Variants in NBPF20 observed in about 807,000 individuals in gnomAD.
The protein encoded by NBPF20 is NBPF family member NBPF20.
In NBPF20, 90 loss-of-function variants were observed where a neutral mutation model predicts 68.1. That is an observed-to-expected ratio of 1.32 (90% CI 1.11 to 1.58). NBPF20 has a LOEUF of 1.58. NBPF20 is among the 40% of genes most tolerant of loss of function. The pLI, the probability that NBPF20 is intolerant of heterozygous loss-of-function variation, is 0.00. For synonymous variants in NBPF20, 290 were observed against 228.1 expected (o/e 1.27, Z -2.45); for missense variants, 816 against 601.2 (o/e 1.36, Z -3.74).
exon 6 of NBPF20, chr1:145,400,405 A>G (rs1662464685): frequency 7.4e-6 from 12 of 1,612,920 alleles, no homozygotes; most frequent in Admixed American, 3.3e-5. Flanking sequence ...TAATGTGTAC[A>G]GCATCCTCCC....
chr1:145,395,602 A>C (rs1662190586), intron 7 of NBPF20, among the ~76,000 whole-genome samples: 1 of 149,946 alleles, frequency 6.7e-6, no homozygotes, highest in African/African-American at 2.5e-5. Flanking sequence ...TTCTTGCAAA[A>C]ATACTAGCCA....
rs1660954845 is a variant in NBPF20, at chr1:145,289,986, AC to A, written c.*1539del. On this transcript the variant is annotated 3_prime_UTR_variant, in exon 138 of 138. Transcript: ENST00000369373. ...AATATTATAACACTGAATGTAAAAA[AC>A]AATCCAGAAGTCCAGAGTGATAGGC... 1 of 145,142 alleles carries A rather than the reference AC, an allele frequency of 6.9e-6. No individual in the cohort carries two copies. Among genetic ancestry groups the A allele is most frequent in the South Asian group, 2.2e-4 (1 of 4,612 alleles). The allele number at this position is 145,142 out of a possible 1,614,324, so 9.0% of individuals were successfully genotyped here.
upstream of NBPF20, among the ~76,000 whole-genome samples, chr1:145,407,367 GTA>G (rs1491333732): frequency 1.4e-5 from 2 of 138,842 alleles, no homozygotes; most frequent in Non-Finnish European, 3.1e-5. Flanking sequence ...CATGGCACAC[GTA>G]TATATATATA....
chr1:145,400,704 A>G lies in NBPF20; in HGVS notation c.567-110T>C. ...CGGCATTAAGAGAGTGGTCCCAGAA[A>G]GCAAAATGGAGGTTCCCATTAAGGG... On this transcript the variant is annotated intron_variant, in intron 5 of 137. Transcript: ENST00000369373. 3.4e-6 allele frequency: 5 copies of G among 1,477,706 alleles called. No individual in the cohort carries two copies. In the South Asian group the frequency reaches 5.7e-5, roughly 17 times the overall value. 91.5% of individuals were successfully genotyped at this position (1,477,706 alleles called of 1,614,324 possible). A position where few individuals can be genotyped will look rare whatever the true frequency, so the allele number is the denominator to read the frequency against.
chr1:145,393,884 C>A (rs1402096918), exon 9 of NBPF20: 10 of 1,547,976 alleles, frequency 6.5e-6, no homozygotes, highest in Non-Finnish European at 2.6e-6. Context: ...TCAGACTCAC[C>A]TGGGACCTGT....
chr1:145,400,263 T>G (rs1190713453), intron 6 of NBPF20, 126 bp downstream of exon 11: 1 of 1,586,188 alleles, frequency 6.3e-7, no homozygotes, highest in African/African-American at 1.3e-5. Flanking sequence ...AAAAAGTCCC[T>G]GATATCTGTT....
intron 7 of NBPF20, among the ~76,000 whole-genome samples, chr1:145,397,494 A>G (rs1231273326): frequency 1.3e-5 from 2 of 152,234 alleles, no homozygotes; most frequent in Non-Finnish European, 2.9e-5. Context: ...AAAGCTTCAT[A>G]AGTGAAGGAG....
intron 133 of NBPF20, chr1:145,295,261 G>C (rs1661277685): frequency 2.0e-6 from 1 of 496,228 alleles, no homozygotes; most frequent in Non-Finnish European, 3.4e-6. Context: ...TAGTGCCCTC[G>C]GGACACACAG....
In NBPF20 at chr1:145,397,654, C is replaced by T. The variant is rs1553664245; in HGVS notation, c.827+1395G>A. Among the ~76,000 whole-genome samples the T allele has an allele frequency of 6.8e-3, 1,030 of 152,246 alleles. 18 individuals are homozygous for T. The highest frequency in any genetic ancestry group is 0.024 in the African/African-American group (979 of 41,548). ...CATGCCAAACTGTAAAGACCATTGA[C>T]GCTAGGAAGAAACTGCATCAACTAA... On this transcript the variant is annotated intron_variant, in intron 7 of 137. Transcript: ENST00000369373.
Position 145,403,187 on chromosome 1 carries a change from C to T in NBPF20, c.278+29G>A. The T allele has an allele frequency of 3.7e-6, 6 of 1,612,072 alleles. No individual in the cohort carries two copies. In the South Asian group the frequency reaches 6.6e-5, roughly 18 times the overall value. ...ATTTCAGAGATTTACACACCTGCCC[C>T]CCTGCCTGCCACCATGGGGTCCCCT... On this transcript the variant is annotated intron_variant, in intron 3 of 137. Coordinates refer to ENST00000369373, the Ensembl canonical transcript of NBPF20.
intron 9 of NBPF20, 170 bp downstream of exon 14, chr1:145,393,714 A>T (rs2101533938): frequency 2.7e-6 from 4 of 1,490,118 alleles, no homozygotes; most frequent in Admixed American, 1.8e-5. Context: ...GTAGGAAGAA[A>T]TGGAAACCTA....
At position 145,291,903 on chromosome 1, in the gene NBPF20, A is replaced by T. The variant is rs1263499275; in HGVS notation, c.16698-134T>A. Reference sequence around the variant, plus strand: ...AGATCCATTAATGAGGTAAAAAAAAAATTTATTGCCTATATGTTGGGATAG... The same window carrying T: ...AGATCCATTAATGAGGTAAAAAAAATATTTATTGCCTATATGTTGGGATAG... On this transcript the variant is annotated intron_variant, in intron 137 of 137. Coordinates refer to ENST00000369373, the Ensembl canonical transcript of NBPF20. The T allele has an allele frequency of 6.8e-5, 106 of 1,559,074 alleles. No homozygotes were observed. The Middle Eastern group carries it at 9.5e-4, about 14-fold the overall frequency.
At chr1:145,309,223 C>A in exon 116 of NBPF20, 1 of 78,584 alleles carries the variant, frequency 1.3e-5, no homozygotes, top group South Asian at 8.7e-5. Context: ...TCAGGCTCTA[C>A]TACCTCCAGC....
the NBPF20 span, among the ~76,000 whole-genome samples, chr1:145,414,433 A>T: frequency 6.7e-6 from 1 of 149,706 alleles, no homozygotes; most frequent in South Asian, 2.2e-4. Context: ...CCCCACAAAC[A>T]AGAATAGGAA....
At chr1:145,397,501 G>A (rs1662310148) in intron 7 of NBPF20, among the ~76,000 whole-genome samples, 1 of 152,176 alleles carries the variant, frequency 6.6e-6, no homozygotes, top group Non-Finnish European at 1.5e-5. Context: ...CATAAGTGAA[G>A]GAGAAATAAA....
At chr1:145,393,687 G>C in intron 9 of NBPF20, 197 bp downstream of exon 14, 1 of 1,422,710 alleles carries the variant, frequency 7.0e-7, no homozygotes, top group Non-Finnish European at 9.5e-7. Flanking sequence ...CTTTCACTAG[G>C]TTAGTAAATG....
At position 145,291,711 on chromosome 1, in the gene NBPF20, C is replaced by G. The variant is rs782769929; in HGVS notation, c.16756G>C (p.Gly5586Arg). 5 of 1,611,758 alleles carry G rather than the reference C, an allele frequency of 3.1e-6. No homozygotes were observed. In the East Asian group the frequency reaches 6.7e-5, roughly 22 times the overall value. ...TACATTGACGGAGTAGAATAACATC[C>G]ATCCAGTGAGTCCTGTAAGACTTCA... Residue 5586 changes from glycine (G) to arginine (R), a missense_variant, in exon 138 of 138, where the codon GGA (glycine) becomes CGA (arginine). Transcript: ENST00000369373.
chr1:145,400,827 A>C (rs1336974936), intron 5 of NBPF20, among the ~76,000 whole-genome samples: 7 of 151,954 alleles, frequency 4.6e-5, no homozygotes, highest in African/African-American at 1.7e-4. Context: ...GACAGATAGG[A>C]GCTGAGGAGG....
chr1:145,422,598 A>G, the NBPF20 span, among the ~76,000 whole-genome samples: 1 of 151,884 alleles, frequency 6.6e-6, no homozygotes, highest in Admixed American at 6.6e-5. Flanking sequence ...CCATGCAGTC[A>G]TCCGATTTAA....
Sources: gnomAD v4.1 joint callset for allele counts (sites outside exome capture counted in the v4.1 genomes callset) on GRCh38, gnomAD v4.1.1 for gene constraint, MANE v1.5 for transcripts, NCBI Gene and HGNC (gene_info 2026-07-23, HGNC 2026-07-21) for gene names.